The following SPATS2 variants were observed in gnomAD, a reference collection of about 807,000 sequenced individuals.
SPATS2 encodes the protein spermatogenesis-associated serine-rich protein 2.
SPATS2 carries 38 observed loss-of-function variants against 63.7 expected under a neutral mutation model. That is an observed-to-expected ratio of 0.60 (90% CI 0.46 to 0.78). The LOEUF (loss-of-function observed/expected upper bound fraction) is 0.78, where lower values mean the gene tolerates loss of function less well. Ranked by LOEUF, SPATS2 falls within the 30% of genes least tolerant of loss-of-function variation. The pLI is 0.00. For synonymous variants in SPATS2, 207 were observed against 232.9 expected (o/e 0.89, Z 1.01); for missense variants, 588 against 666.2 (o/e 0.88, Z 1.29).
At chr12:49,490,777 T>A (rs985391966) in intron 6 of SPATS2, 46 bp downstream of exon 6, 3 of 1,570,244 alleles carry the variant, frequency 1.9e-6, no homozygotes, top group Non-Finnish European at 2.6e-6. Context: ...TATATTATTT[T>A]TAAAAATTTA....
At chr12:49,506,282 A>C (rs1946652818) in intron 9 of SPATS2, among the ~76,000 whole-genome samples, 1 of 151,884 alleles carries the variant, frequency 6.6e-6, no homozygotes, top group Non-Finnish European at 1.5e-5. Flanking sequence ...TCACACTGCT[A>C]ATAAAGACAT....
intron 2 of SPATS2, among the ~76,000 whole-genome samples, chr12:49,426,131 T>TG (rs1293860735): frequency 6.6e-6 from 1 of 152,202 alleles, no homozygotes; most frequent in Non-Finnish European, 1.5e-5. Flanking sequence ...CTAAGGGTAA[T>TG]GGATAGCATC....
Position 49,514,001 on chromosome 12 carries a change from A to G in SPATS2, c.840-554A>G, listed in dbSNP as rs893463854. ...GAAACCCCATCTCTACTAAAAATAC[A>G]AAAAAAATAGACGAGCGTGGTGGCG... On this transcript the variant is annotated intron_variant, in intron 9 of 13. Transcript: ENST00000552918. 1.1e-4 allele frequency among the ~76,000 whole-genome samples: 17 copies of G among 151,700 alleles called. 1 individual carries two copies. The highest frequency in any genetic ancestry group is 4.1e-4 in the African/African-American group (17 of 41,316).
At chr12:49,453,027 C>T (rs186784186) in intron 2 of SPATS2, among the ~76,000 whole-genome samples, 2,202 of 151,948 alleles carry the variant, frequency 0.014, 45 homozygotes, top group African/African-American at 0.05. Context: ...GACGTGATGG[C>T]GGGCGCCTGT....
intron 9 of SPATS2, among the ~76,000 whole-genome samples, chr12:49,505,264 G>A: frequency 6.6e-6 from 1 of 152,148 alleles, no homozygotes; most frequent in East Asian, 1.9e-4. Context: ...TATCAAAAAT[G>A]TACATAGCAC....
At chr12:49,496,684 T>G in intron 7 of SPATS2, 149 bp from the exon 8 acceptor site, 1 of 769,932 alleles carries the variant, frequency 1.3e-6, no homozygotes, top group Non-Finnish European at 2.0e-6. Flanking sequence ...ATTCTGATCT[T>G]TGTTCTATTG....
intron 4 of SPATS2, among the ~76,000 whole-genome samples, 157 bp from the exon 5 acceptor site, chr12:49,489,308 T>C (rs1301834435): frequency 1.3e-5 from 2 of 152,214 alleles, no homozygotes; most frequent in Non-Finnish European, 2.9e-5. Context: ...CTATTAATCA[T>C]TCCCAGTGAG....
chr12:49,491,996 T>TA (rs1357948189), intron 6 of SPATS2, among the ~76,000 whole-genome samples: 3 of 152,186 alleles, frequency 2.0e-5, no homozygotes, highest in African/African-American at 7.2e-5. Context: ...GACTCTTACA[T>TA]CACTTTTTAG....
In SPATS2 at chr12:49,418,108, G is replaced by GTTTTTTT. The variant is rs760281633; in HGVS notation, c.-243-42644_-243-42638dup. ...TGTAGCTTTCATTTTAAATGACTCA[G>GTTTTTTT]TTTTTTTTTTTTTTTTTTTTTTTTG... On this transcript the variant is annotated intron_variant, in intron 2 of 13. Coordinates refer to ENST00000552918, the MANE Select transcript of SPATS2 (RefSeq NM_023071.4). Among the ~76,000 whole-genome samples, 457 of 76,046 alleles carry GTTTTTTT rather than the reference G, an allele frequency of 6.0e-3. 46 individuals carry two copies. Among genetic ancestry groups the GTTTTTTT allele is most frequent in the African/African-American group, 0.027 (409 of 15,296 alleles). The allele number at this position is 76,046 out of a possible 152,430, so 49.9% of individuals were successfully genotyped here.
chr12:49,433,425 A>T (rs556567053), intron 2 of SPATS2, among the ~76,000 whole-genome samples: 1 of 152,316 alleles, frequency 6.6e-6, no homozygotes, highest in East Asian at 1.9e-4. Context: ...GGCCTCCCAA[A>T]GTGCTGGGAT....
At chr12:49,483,503 T>C (rs1946240342) in intron 3 of SPATS2, among the ~76,000 whole-genome samples, 1 of 152,196 alleles carries the variant, frequency 6.6e-6, no homozygotes, top group South Asian at 2.1e-4. Context: ...TGTATAAGTG[T>C]TACCCGATTT....
intron 2 of SPATS2, among the ~76,000 whole-genome samples, chr12:49,409,794 G>A (rs1310906045): frequency 6.6e-6 from 1 of 151,664 alleles, no homozygotes; most frequent in Non-Finnish European, 1.5e-5. Flanking sequence ...GTAGACATGG[G>A]GTTTCACCCT....
chr12:49,408,086 AAGTTATT>A (rs1326724954), intron 2 of SPATS2, among the ~76,000 whole-genome samples: 1 of 152,178 alleles, frequency 6.6e-6, no homozygotes, highest in East Asian at 1.9e-4. Context: ...AATATCTAAA[AAGTTATT>A]AGTTATTAGA....
chr12:49,438,452 G>A (rs929466386), intron 2 of SPATS2, among the ~76,000 whole-genome samples: 2 of 152,184 alleles, frequency 1.3e-5, no homozygotes, highest in African/African-American at 2.4e-5. Flanking sequence ...ATGTCTAGGA[G>A]TGAAGTTGCT....
intron 2 of SPATS2, among the ~76,000 whole-genome samples, chr12:49,378,655 GCATGAT>G (rs2137173874): frequency 6.6e-6 from 1 of 151,836 alleles, no homozygotes; most frequent in South Asian, 2.1e-4. Flanking sequence ...CAGTGCAGTG[GCATGAT>G]CATGGCTTAC....
intron 2 of SPATS2, among the ~76,000 whole-genome samples, chr12:49,429,856 C>T (rs1945149487): frequency 1.3e-5 from 2 of 150,372 alleles, no homozygotes; most frequent in African/African-American, 2.5e-5. Flanking sequence ...TCTCAGCTCA[C>T]TGCAACCTCC....
chr12:49,376,706 T>C (rs1944110237), intron 2 of SPATS2, among the ~76,000 whole-genome samples: 1 of 140,964 alleles, frequency 7.1e-6, no homozygotes, highest in Non-Finnish European at 1.5e-5. Context: ...CGGTGTTTTG[T>C]TGATTTTTTT....
At chr12:49,467,931 C>G (rs1295946326) in intron 3 of SPATS2, among the ~76,000 whole-genome samples, 1 of 151,970 alleles carries the variant, frequency 6.6e-6, no homozygotes, top group Non-Finnish European at 1.5e-5. Flanking sequence ...GACGGGGTTT[C>G]ACGGTATTAG....
At chr12:49,514,005 A>C (rs1946796583) in intron 9 of SPATS2, among the ~76,000 whole-genome samples, 1 of 152,070 alleles carries the variant, frequency 6.6e-6, no homozygotes, top group Admixed American at 6.6e-5. Context: ...AAATACAAAA[A>C]AAATAGACGA....
Sources: allele counts gnomAD v4.1 joint callset (sites outside exome capture counted in the v4.1 genomes callset), GRCh38; gene constraint gnomAD v4.1.1; transcripts MANE v1.5; gene names NCBI Gene and HGNC (gene_info 2026-07-23, HGNC 2026-07-21).